The following HELLS variants were observed in gnomAD, a reference collection of about 807,000 sequenced individuals.
HELLS encodes the protein helicase, lymphoid specific.
Under a neutral mutation model 120.0 loss-of-function variants are expected in HELLS, and 32 were observed. That is an observed-to-expected ratio of 0.27 (90% CI 0.20 to 0.36). HELLS has a LOEUF of 0.36. Ranked by LOEUF, HELLS falls within the 10% of genes least tolerant of loss-of-function variation. The probability of loss-of-function intolerance (pLI) is 1.00; values close to 1 mark genes in which losing one functional copy is unlikely to be tolerated. For synonymous variants in HELLS, 341 were observed against 323.4 expected, an observed-to-expected ratio of 1.05 and a Z score of -0.58; for missense variants, 650 against 993.4, an observed-to-expected ratio of 0.65 and a Z score of 4.65.
chr10:94,593,957 A>G (rs375778348), intron 18 of HELLS, among the ~76,000 whole-genome samples: 4 of 144,998 alleles, frequency 2.8e-5, no homozygotes, highest in African/African-American at 1.0e-4. Flanking sequence ...CACCACACCC[A>G]GCCTCCATTC....
At chr10:94,591,523 A>G (rs1207977578) in intron 15 of HELLS, among the ~76,000 whole-genome samples, 1 of 152,190 alleles carries the variant, frequency 6.6e-6, no homozygotes, top group Non-Finnish European at 1.5e-5. Flanking sequence ...TGGGCCAGAT[A>G]ATTCTTTCTT....
intron 3 of HELLS, among the ~76,000 whole-genome samples, chr10:94,556,741 T>G (rs1183342939): frequency 6.6e-6 from 1 of 152,224 alleles, no homozygotes; most frequent in Non-Finnish European, 1.5e-5. Context: ...TTACCTTCAT[T>G]TTTGAAATAC....
intron 6 of HELLS, among the ~76,000 whole-genome samples, chr10:94,567,965 A>G (rs1373154079): frequency 1.4e-5 from 2 of 142,596 alleles, no homozygotes; most frequent in Admixed American, 1.5e-4. Context: ...GCTGGAATGC[A>G]GTGCTGCGAT....
At position 94,550,008 on chromosome 10, in the gene HELLS, C is replaced by T. The variant is rs1370171434; in HGVS notation, c.153+3510C>T. On this transcript the variant is annotated intron_variant, in intron 2 of 21. Transcript: ENST00000348459. The stretch of plus-strand genomic sequence containing the variant: ...CAGTCTCGGCTCACTGCAACCTCTG[C>T]CTCCGGGGTTCAAGCAATTCTCCTG... Among the ~76,000 whole-genome samples, 3 of 152,146 alleles carry T rather than the reference C, an allele frequency of 2.0e-5. No individual in the cohort carries two copies. In the South Asian group the frequency reaches 6.2e-4, roughly 32 times the overall value.
At chr10:94,572,133 A>C (rs1183577359) in intron 7 of HELLS, among the ~76,000 whole-genome samples, 1 of 152,210 alleles carries the variant, frequency 6.6e-6, no homozygotes, top group Non-Finnish European at 1.5e-5. Context: ...TTAAGTTATT[A>C]AGGACTGGTT....
Position 94,581,327 on chromosome 10 carries a change from A to G in HELLS, c.1034A>G (p.His345Arg). 6.6e-7 allele frequency: 1 copy of G among 1,524,558 alleles called. No individual in the cohort carries two copies. Among genetic ancestry groups the G allele is most frequent in the Non-Finnish European group, 8.8e-7 (1 of 1,132,966 alleles). The allele number at this position is 1,524,558 out of a possible 1,614,324, so 94.4% of individuals were successfully genotyped here. A position where few individuals can be genotyped will look rare whatever the true frequency, so the allele number is the denominator to read the frequency against. ...IAMRDRNALQ[H>R]CYWKYLIVDE... ...CTTTTTCCTCAATTCGTTTTCTAGC[A>G]TTGCTATTGGAAATACTTAATAGTA... The change falls in exon 11 of 22, where the codon CAT (histidine) becomes CGT (arginine). Residue 345 changes from histidine to arginine, a missense_variant and splice_region_variant. His to Arg is a conservative substitution (Grantham distance 29). Coordinates refer to ENST00000348459, the MANE Select transcript of HELLS (RefSeq NM_018063.5).
intron 21 of HELLS, among the ~76,000 whole-genome samples, chr10:94,597,410 C>T (rs1158185045): frequency 1.3e-5 from 2 of 152,120 alleles, no homozygotes; most frequent in Non-Finnish European, 2.9e-5. Flanking sequence ...TCATATTTTT[C>T]GTCATACCAG....
intron 6 of HELLS, among the ~76,000 whole-genome samples, chr10:94,565,716 G>T (rs917996284): frequency 6.6e-6 from 1 of 152,068 alleles, no homozygotes; most frequent in Non-Finnish European, 1.5e-5. Context: ...CTTTTAATAT[G>T]CCATACTGAA....
At chr10:94,547,889 C>T (rs1322306167) in intron 2 of HELLS, among the ~76,000 whole-genome samples, 1 of 152,152 alleles carries the variant, frequency 6.6e-6, no homozygotes, top group Non-Finnish European at 1.5e-5. Context: ...TACTGATGAT[C>T]TCTGGTTGAC....
chr10:94,589,843 C>A (rs1027093186), intron 13 of HELLS, among the ~76,000 whole-genome samples: 2 of 151,808 alleles, frequency 1.3e-5, no homozygotes, highest in Non-Finnish European at 2.9e-5. Flanking sequence ...CCCGCCACCA[C>A]GCTTGGCTAA....
chr10:94,561,716 C>T (rs570207516), intron 4 of HELLS, among the ~76,000 whole-genome samples: 3 of 152,274 alleles, frequency 2.0e-5, no homozygotes, highest in East Asian at 3.9e-4. Flanking sequence ...ATCCTACTAC[C>T]TAGTCCTCCT....
At chr10:94,578,740 C>T (rs138173066) in intron 10 of HELLS, among the ~76,000 whole-genome samples, 1 of 152,116 alleles carries the variant, frequency 6.6e-6, no homozygotes, top group African/African-American at 2.4e-5. Context: ...CAGTGGTAGC[C>T]CTGAGCTTGT....
intron 21 of HELLS, among the ~76,000 whole-genome samples, chr10:94,600,409 A>G (rs1035518925): frequency 2.6e-5 from 4 of 152,248 alleles, no homozygotes; most frequent in Admixed American, 2.0e-4. Flanking sequence ...AAGATATTCT[A>G]TACCAGGTAT....
At chr10:94,613,805 G>C (rs1564625696) in exon 10 of HELLS, 1 of 152,118 alleles carries the variant, frequency 6.6e-6, no homozygotes, top group Non-Finnish European at 1.5e-5. Flanking sequence ...TTTAGTGAAT[G>C]CTTCCAGTTG....
At chr10:94,551,315 A>C (rs891148455) in intron 2 of HELLS, among the ~76,000 whole-genome samples, 4 of 152,174 alleles carry the variant, frequency 2.6e-5, no homozygotes, top group African/African-American at 9.7e-5. Context: ...TCACACCTAT[A>C]ATCCCAGCAC....
exon 10 of HELLS, chr10:94,612,090 C>T (rs746356576): frequency 6.6e-6 from 1 of 152,166 alleles, no homozygotes; most frequent in African/African-American, 2.4e-5. Flanking sequence ...AGGTCATTCT[C>T]TATACCAGTG....
chr10:94,604,024 C>G (rs1589772510), downstream of HELLS, among the ~76,000 whole-genome samples: 2 of 151,710 alleles, frequency 1.3e-5, no homozygotes, highest in Middle Eastern at 7.0e-3. Flanking sequence ...GACTGGGTTT[C>G]ACCATGTTGG....
At chr10:94,610,290 C>A (rs1846176739) in exon 10 of HELLS, 1 of 152,002 alleles carries the variant, frequency 6.6e-6, no homozygotes, top group African/African-American at 2.4e-5. Context: ...AATACTGTTT[C>A]CTAGAATTAA....
intron 6 of HELLS, chr10:94,570,687 G>C (rs775890984): frequency 6.6e-6 from 1 of 151,750 alleles, no homozygotes; most frequent in Non-Finnish European, 1.5e-5. Context: ...ACATACTCGG[G>C]TATTGTTTGT....
Sources: gnomAD v4.1 joint callset for allele counts (sites outside exome capture counted in the v4.1 genomes callset) on GRCh38, gnomAD v4.1.1 for gene constraint, MANE v1.5 for transcripts, NCBI Gene and HGNC (gene_info 2026-07-23, HGNC 2026-07-21) for gene names.